HIPK2: variants seen among roughly 807,000 people sequenced by gnomAD.
HIPK2 encodes homeodomain-interacting protein kinase 2.
In HIPK2, 27 loss-of-function variants were observed where a neutral mutation model predicts 113.7. The ratio of observed to expected loss-of-function variants is 0.24; its 90% CI spans 0.17 to 0.33. The LOEUF (loss-of-function observed/expected upper bound fraction) is 0.33, where lower values mean the gene tolerates loss of function less well. Ranked by LOEUF, HIPK2 falls within the 10% of genes least tolerant of loss-of-function variation. The probability of loss-of-function intolerance (pLI) is 1.00; values close to 1 mark genes in which losing one functional copy is unlikely to be tolerated. For missense variants in HIPK2, 1,257 were observed against 1,588.0 expected, an observed-to-expected ratio of 0.79 and a Z score of 3.54; for synonymous variants, 631 against 642.2, an observed-to-expected ratio of 0.98 and a Z score of 0.26.
rs545402469 is a variant in HIPK2 at position 139,584,144 on chromosome 7, C to T, written c.2718-80G>A. ...CCAACTAGCACTTCATGCCCTGGGG[C>T]AGGGGAGGGAGGCAGAGGGGAGAGG... On this transcript the variant is annotated intron_variant, in intron 12 of 14. Transcript: ENST00000406875. The T allele has an allele frequency of 7.2e-6, 11 of 1,518,042 alleles. No individual in the cohort carries two copies. In the East Asian group the frequency reaches 1.4e-4, roughly 19 times the overall value. 94.0% of individuals were successfully genotyped at this position (1,518,042 alleles called of 1,614,324 possible). A position where few individuals can be genotyped will look rare whatever the true frequency, so the allele number is the denominator to read the frequency against.
rs1798161319 is a variant in HIPK2, at chr7:139,568,441, A to G, written c.*4486T>C. 1 of 152,332 alleles carries G rather than the reference A, an allele frequency of 6.6e-6. No individual in the cohort carries two copies. The highest frequency in any genetic ancestry group is 1.9e-4 in the East Asian group (1 of 5,194). The allele number at this position is 152,332 out of a possible 1,614,324, so 9.4% of individuals were successfully genotyped here. A position where few individuals can be genotyped will look rare whatever the true frequency, so the allele number is the denominator to read the frequency against. ...CTTGGAAACATCCAAAACATCATGA[A>G]GAGGCCCTAAGCACAGAGACATGGG... On this transcript the variant is annotated 3_prime_UTR_variant, in exon 15 of 15. Transcript: ENST00000406875.
intron 2 of HIPK2, among the ~76,000 whole-genome samples, chr7:139,670,772 T>C (rs1343461418): frequency 1.5e-5 from 2 of 133,646 alleles, no homozygotes; most frequent in Non-Finnish European, 3.1e-5. Context: ...TTTTTTTTTT[T>C]TTTTTTTTTG....
rs554862330 is a variant in HIPK2 at position 139,571,905 on chromosome 7, A to C, written c.*1022T>G. On this transcript the variant is annotated 3_prime_UTR_variant, in exon 15 of 15. Transcript: ENST00000406875. Reference sequence around the variant, plus strand: ...CACCCACACGTGCTCGCTCACCCGCACACCTGCACCGCCACATTGGTTACA... The same window carrying C: ...CACCCACACGTGCTCGCTCACCCGCCCACCTGCACCGCCACATTGGTTACA... 6.6e-6 allele frequency: 1 copy of C among 152,326 alleles called. No individual in the cohort carries two copies. Among genetic ancestry groups the C allele is most frequent in the Admixed American group, 6.5e-5 (1 of 15,298 alleles). The allele number at this position is 152,326 out of a possible 1,614,324, so 9.4% of individuals were successfully genotyped here. A position where few individuals can be genotyped will look rare whatever the true frequency, so the allele number is the denominator to read the frequency against.
chr7:139,674,432 G>C (rs933664907), intron 2 of HIPK2, among the ~76,000 whole-genome samples: 30 of 152,238 alleles, frequency 2.0e-4, no homozygotes, highest in Non-Finnish European at 4.4e-5. Flanking sequence ...TGTCAGAAGA[G>C]CGCAAATCCA....
At chr7:139,603,942 C>T (rs1799526219) in intron 10 of HIPK2, 139 bp downstream of exon 10, 4 of 1,131,494 alleles carry the variant, frequency 3.5e-6, no homozygotes, top group African/African-American at 3.1e-5. Context: ...ATAGTCCACA[C>T]AATATTTTTA....
chr7:139,683,373 C>A lies in HIPK2; in HGVS notation c.1103+32559G>T, dbSNP rs1355977114. Among the ~76,000 whole-genome samples, 2 of 152,168 alleles carry A rather than the reference C, an allele frequency of 1.3e-5. No homozygotes were observed. The highest frequency in any genetic ancestry group is 2.9e-5 in the Non-Finnish European group (2 of 68,018). On this transcript the variant is annotated intron_variant, in intron 2 of 14. Transcript: ENST00000406875. The surrounding 1 kb of genome is among the most constrained non-coding windows in gnomAD (Gnocchi z 4.2). ...GCCTAGCCGGGTCTGGTGCAGGGTC[C>A]CTCATGAGGCTGCGATCAAGATGTT...
At chr7:139,650,532 G>T (rs1010780700) in intron 2 of HIPK2, among the ~76,000 whole-genome samples, 1 of 150,796 alleles carries the variant, frequency 6.6e-6, no homozygotes, top group Admixed American at 6.6e-5. Flanking sequence ...ACTGAGGGTT[G>T]TGATCACAGC....
At chr7:139,592,733 T>C (rs1328109849) in intron 12 of HIPK2, among the ~76,000 whole-genome samples, 1 of 152,202 alleles carries the variant, frequency 6.6e-6, no homozygotes, top group South Asian at 2.1e-4. Context: ...TTGTTCAGTA[T>C]GTGTAGACAA....
chr7:139,574,267 C>T (rs976965599), intron 14 of HIPK2, among the ~76,000 whole-genome samples: 3 of 152,002 alleles, frequency 2.0e-5, no homozygotes, highest in African/African-American at 7.2e-5. Context: ...CTCAGCTACT[C>T]GGGAGGCTAA....
At chr7:139,622,744 A>T (rs1181162894) in intron 6 of HIPK2, among the ~76,000 whole-genome samples, 1 of 152,068 alleles carries the variant, frequency 6.6e-6, no homozygotes, top group Non-Finnish European at 1.5e-5. Flanking sequence ...AGTTCTAGAG[A>T]ACTTTAGGGA....
intron 4 of HIPK2, 79 bp from the exon 5 acceptor site, chr7:139,629,118 T>C (rs1800528398): frequency 8.7e-7 from 1 of 1,152,578 alleles, no homozygotes; most frequent in Non-Finnish European, 1.3e-6. Context: ...AACTCCTGTG[T>C]CTCACAGAGG....
chr7:139,576,295 T>G (rs1313733614), intron 13 of HIPK2, among the ~76,000 whole-genome samples: 1 of 152,202 alleles, frequency 6.6e-6, no homozygotes, highest in Non-Finnish European at 1.5e-5. Context: ...CCTCCAGAGG[T>G]GACCTCATGG....
intron 2 of HIPK2, among the ~76,000 whole-genome samples, chr7:139,712,263 A>G (rs1585408133): frequency 6.6e-6 from 1 of 152,348 alleles, no homozygotes; most frequent in East Asian, 1.9e-4. Context: ...CACATGCCTG[A>G]GAGCTGGGGA....
intron 1 of HIPK2, among the ~76,000 whole-genome samples, chr7:139,727,932 C>T (rs957209867): frequency 2.2e-5 from 3 of 135,530 alleles, no homozygotes; most frequent in African/African-American, 8.7e-5. Context: ...GTGGCATTGG[C>T]TAATTTTTTT....
chr7:139,589,619 G>A (rs1798950321), intron 12 of HIPK2, among the ~76,000 whole-genome samples: 2 of 152,216 alleles, frequency 1.3e-5, no homozygotes, highest in Non-Finnish European at 2.9e-5. Context: ...TGAGCTTCTT[G>A]TCACTGAAGA....
chr7:139,592,636 C>T (rs530072097), intron 12 of HIPK2, among the ~76,000 whole-genome samples: 1 of 152,300 alleles, frequency 6.6e-6, no homozygotes, highest in Non-Finnish European at 1.5e-5. Context: ...ACAGCCTTTA[C>T]AAGACCATTT....
At chr7:139,749,478 T>C (rs1169052052) in intron 1 of HIPK2, among the ~76,000 whole-genome samples, 2 of 139,764 alleles carry the variant, frequency 1.4e-5, no homozygotes, top group Admixed American at 1.3e-4. Flanking sequence ...AATTTGTCTC[T>C]CTATGCCTCA....
intron 2 of HIPK2, among the ~76,000 whole-genome samples, chr7:139,650,463 C>T (rs1181059517): frequency 5.4e-5 from 8 of 148,800 alleles, no homozygotes; most frequent in African/African-American, 7.4e-5. Context: ...TTATTCCCTT[C>T]GGGTTTTTTT....
At chr7:139,573,439 C>T in intron 14 of HIPK2, 42 bp from the exon 15 acceptor site, 1 of 1,575,404 alleles carries the variant, frequency 6.3e-7, no homozygotes, top group Non-Finnish European at 8.6e-7. Context: ...GGGGCCGACA[C>T]ATGGGGAGGA....
Sources: allele counts gnomAD v4.1 joint callset (sites outside exome capture counted in the v4.1 genomes callset), GRCh38; gene constraint gnomAD v4.1.1; non-coding constraint Gnocchi (gnomAD v3.1); transcripts MANE v1.5; gene names NCBI Gene and HGNC (gene_info 2026-07-23, HGNC 2026-07-21).